ROBO1: variants seen among roughly 807,000 people sequenced by gnomAD.
ROBO1 encodes the protein roundabout guidance receptor 1.
Under a neutral mutation model 195.9 loss-of-function variants are expected in ROBO1, and 149 were observed. That is an observed-to-expected ratio of 0.76 (90% CI 0.67 to 0.87). The LOEUF (loss-of-function observed/expected upper bound fraction) is 0.87. ROBO1 is among the 40% of genes least tolerant of loss of function. The pLI, the probability that ROBO1 is intolerant of heterozygous loss-of-function variation, is 0.00. For missense variants in ROBO1, 1,933 were observed against 2,068.3 expected, an observed-to-expected ratio of 0.93 and a Z score of 1.27; for synonymous variants, 816 against 733.2, an observed-to-expected ratio of 1.11 and a Z score of -1.82.
Position 79,733,893 on chromosome 3 carries a change from G to A in ROBO1, c.-51+33859C>T, listed in dbSNP as rs1166950591. ...ACATTTTCCCCCTTACATAACACTGGTCTGGCTTATTACCTTATGATAAGA... is the reference window on the plus strand; with the variant it reads ...ACATTTTCCCCCTTACATAACACTGATCTGGCTTATTACCTTATGATAAGA... On this transcript the variant is annotated intron_variant, in intron 1 of 30. Coordinates refer to ENST00000464233, the MANE Select transcript of ROBO1 (RefSeq NM_002941.4). Among the ~76,000 whole-genome samples the A allele has an allele frequency of 2.0e-5, 3 of 150,880 alleles. 1 individual carries two copies. The highest frequency in any genetic ancestry group is 7.3e-5 in the African/African-American group (3 of 40,974).
intron 4 of ROBO1, among the ~76,000 whole-genome samples, chr3:78,927,031 T>C (rs1302371359): frequency 6.6e-6 from 1 of 151,866 alleles, no homozygotes; most frequent in Admixed American, 6.6e-5. Flanking sequence ...AAGAGGTAAA[T>C]TATATCCATT....
At chr3:79,365,546 T>C (rs764100747) in intron 2 of ROBO1, among the ~76,000 whole-genome samples, 28 of 152,080 alleles carry the variant, frequency 1.8e-4, no homozygotes, top group Non-Finnish European at 3.8e-4. Context: ...ACCCCCTCCA[T>C]TGAGTCTATC....
At chr3:79,409,752 T>C (rs1038871419) in intron 2 of ROBO1, among the ~76,000 whole-genome samples, 5 of 152,156 alleles carry the variant, frequency 3.3e-5, no homozygotes, top group Non-Finnish European at 5.9e-5. Context: ...CTTTTTGGCA[T>C]TGGAGACCAC....
At chr3:78,816,899 T>C (rs1202787565) in intron 4 of ROBO1, among the ~76,000 whole-genome samples, 1 of 152,098 alleles carries the variant, frequency 6.6e-6, no homozygotes, top group South Asian at 2.1e-4. Flanking sequence ...ATTGTTGAAA[T>C]GGCCACAAAG....
At position 79,624,532 on chromosome 3, in the gene ROBO1, A is replaced by G. The variant is rs921629546; in HGVS notation, c.-50-34571T>C. 7.2e-5 allele frequency among the ~76,000 whole-genome samples: 11 copies of G among 152,186 alleles called. No individual in the cohort carries two copies. The South Asian group carries it at 1.0e-3, about 14-fold the overall frequency. On this transcript the variant is annotated intron_variant, in intron 1 of 30. Coordinates refer to ENST00000464233, the MANE Select transcript of ROBO1 (RefSeq NM_002941.4). ...TTACTAAGCAAATGGAAAGGAAAAA[A>G]AGCAGGGATTACAAGCCCAGTCTCT...
chr3:79,379,196 G>A (rs546337834), intron 2 of ROBO1, among the ~76,000 whole-genome samples: 1 of 152,288 alleles, frequency 6.6e-6, no homozygotes, highest in South Asian at 2.1e-4. Context: ...TTCAAGACAA[G>A]ATACTAAGGC....
At position 79,135,873 on chromosome 3, in the gene ROBO1, G is replaced by A. The variant is rs201322134; in HGVS notation, c.89-10334C>T. 2.0e-4 allele frequency among the ~76,000 whole-genome samples: 30 copies of A among 152,278 alleles called. No homozygotes were observed. In the East Asian group the frequency reaches 2.3e-3, roughly 12 times the overall value. On this transcript the variant is annotated intron_variant, in intron 2 of 30. Transcript: ENST00000464233. The stretch of plus-strand genomic sequence containing the variant: ...GCTGTTATCGAACTCCAGGCCTCAG[G>A]TGATCCACCCGCCTTGGCCTCCCAA...
At position 78,884,648 on chromosome 3, in the gene ROBO1, A is replaced by AAAGGAAGGAAGGAAGG. The variant is rs780597106; in HGVS notation, c.499+53937_499+53952dup. ...GAGAAAGAAAGAGAAAGAAAGAAAG[A>AAAGGAAGGAAGGAAGG]AAGGAAGGAAGGAAGGAAGGAAGGA... On this transcript the variant is annotated intron_variant, in intron 4 of 30. Transcript: ENST00000464233. 3.3e-3 allele frequency among the ~76,000 whole-genome samples: 356 copies of AAAGGAAGGAAGGAAGG among 107,504 alleles called. 1 individual carries two copies. Among genetic ancestry groups the AAAGGAAGGAAGGAAGG allele is most frequent in the Admixed American group, 5.9e-3 (55 of 9,392 alleles). The allele number at this position is 107,504 out of a possible 152,430, so 70.5% of individuals were successfully genotyped here.
At chr3:79,582,129 C>A (rs1396511400) in intron 2 of ROBO1, among the ~76,000 whole-genome samples, 2 of 151,490 alleles carry the variant, frequency 1.3e-5, no homozygotes, top group Non-Finnish European at 3.0e-5. Context: ...GTTTTAAAAT[C>A]AAAAAGAAAT....
At chr3:78,637,181 T>C (rs931403532) in intron 22 of ROBO1, among the ~76,000 whole-genome samples, 1 of 151,908 alleles carries the variant, frequency 6.6e-6, no homozygotes, top group African/African-American at 2.4e-5. Flanking sequence ...AATTAACATG[T>C]TTGTTACTAA....
intron 3 of ROBO1, among the ~76,000 whole-genome samples, chr3:78,941,795 G>T (rs1363796130): frequency 6.6e-6 from 1 of 152,244 alleles, no homozygotes; most frequent in African/African-American, 2.4e-5. Flanking sequence ...TAAGTCTGAA[G>T]GAATAGCTAA....
At chr3:78,599,520 T>TCAA (rs1559627935) in intron 30 of ROBO1, among the ~76,000 whole-genome samples, 1 of 152,202 alleles carries the variant, frequency 6.6e-6, no homozygotes, top group Non-Finnish European at 1.5e-5. Flanking sequence ...AAAATTTTCC[T>TCAA]CAACTTTTAT....
chr3:79,589,805 A>C lies in ROBO1; in HGVS notation c.88+19T>G. ...GGAATACTGGTTAAGTATTGATGAAACAAATGCACAGCACTTACCTGGAAT... is the reference window on the plus strand; with the variant it reads ...GGAATACTGGTTAAGTATTGATGAACCAAATGCACAGCACTTACCTGGAAT... On this transcript the variant is annotated intron_variant, in intron 2 of 30. Coordinates refer to ENST00000464233, the MANE Select transcript of ROBO1 (RefSeq NM_002941.4). The C allele has an allele frequency of 1.9e-6, 3 of 1,593,286 alleles. No homozygotes were observed. The highest frequency in any genetic ancestry group is 2.6e-6 in the Non-Finnish European group (3 of 1,162,388).
At chr3:79,522,225 T>C (rs1359651729) in intron 2 of ROBO1, among the ~76,000 whole-genome samples, 1 of 152,164 alleles carries the variant, frequency 6.6e-6, no homozygotes, top group Non-Finnish European at 1.5e-5. Flanking sequence ...CTTCTGAGGA[T>C]TGCCTTCAAG....
chr3:79,122,954 T>A (rs992527040), intron 3 of ROBO1, among the ~76,000 whole-genome samples: 1 of 151,974 alleles, frequency 6.6e-6, no homozygotes, highest in Non-Finnish European at 1.5e-5. Context: ...AATAAACATC[T>A]GATGTATAAA....
intron 2 of ROBO1, among the ~76,000 whole-genome samples, chr3:79,295,760 G>C (rs1054707137): frequency 6.6e-6 from 1 of 152,010 alleles, no homozygotes; most frequent in Non-Finnish European, 1.5e-5. Flanking sequence ...TTTATAACCG[G>C]TAAGATAACA....
intron 2 of ROBO1, among the ~76,000 whole-genome samples, chr3:79,135,549 C>T (rs1235397509): frequency 1.3e-5 from 2 of 152,024 alleles, no homozygotes; most frequent in Non-Finnish European, 2.9e-5. Context: ...GATATCATAT[C>T]TCTAAGTGAT....
chr3:79,321,147 G>T lies in ROBO1; in HGVS notation c.89-195608C>A, dbSNP rs2033966146. 2.6e-5 allele frequency among the ~76,000 whole-genome samples: 4 copies of T among 151,700 alleles called. No individual in the cohort carries two copies. In the South Asian group the frequency reaches 8.3e-4, roughly 31 times the overall value. On this transcript the variant is annotated intron_variant, in intron 2 of 30. Transcript: ENST00000464233. ...TCATGCTTCAGTTGCAGGTCAGTTT[G>T]TAAAGTTCATTTAAGTGGGCACTGA...
chr3:79,431,927 C>T (rs1437521626), intron 2 of ROBO1, among the ~76,000 whole-genome samples: 1 of 151,810 alleles, frequency 6.6e-6, no homozygotes, highest in East Asian at 1.9e-4. Context: ...GGACTAAGGA[C>T]AAAGTAAATA....
Sources: gnomAD v4.1 joint callset for allele counts (sites outside exome capture counted in the v4.1 genomes callset) on GRCh38, gnomAD v4.1.1 for gene constraint, MANE v1.5 for transcripts, NCBI Gene and HGNC (gene_info 2026-07-23, HGNC 2026-07-21) for gene names.